RMI1: variants seen among roughly 807,000 people sequenced by gnomAD.
RMI1 encodes recQ-mediated genome instability protein 1.
RMI1 carries 36 observed loss-of-function variants against 46.7 expected under a neutral mutation model. That is an observed-to-expected ratio of 0.77 (90% CI 0.59 to 1.02). RMI1 has a LOEUF of 1.02. RMI1 is among the 50% of genes least tolerant of loss of function. The pLI is 0.00. For synonymous variants in RMI1, 250 were observed against 252.9 expected (o/e 0.99, Z 0.11); for missense variants, 676 against 713.7 (o/e 0.95, Z 0.60).
chr9:83,985,311 T>C (rs537547850), intron 1 of RMI1, among the ~76,000 whole-genome samples: 1 of 152,346 alleles, frequency 6.6e-6, no homozygotes, highest in East Asian at 1.9e-4. Context: ...TCAATCCTAC[T>C]TTCTACTTTG....
intron 1 of RMI1, among the ~76,000 whole-genome samples, chr9:83,999,098 G>A (rs939475597): frequency 1.1e-4 from 16 of 151,670 alleles, no homozygotes; most frequent in Non-Finnish European, 1.8e-4. Context: ...CCGAGATTGC[G>A]CCACTGCAGT....
intron 1 of RMI1, among the ~76,000 whole-genome samples, chr9:83,988,450 T>G (rs1957523788): frequency 6.6e-6 from 1 of 152,102 alleles, no homozygotes; most frequent in African/African-American, 2.4e-5. Flanking sequence ...ACTACAGGCA[T>G]GCACCACAAT....
At chr9:83,984,893 C>T (rs185428019) in intron 1 of RMI1, among the ~76,000 whole-genome samples, 6 of 152,280 alleles carry the variant, frequency 3.9e-5, no homozygotes, top group Non-Finnish European at 7.4e-5. Context: ...ATTTAAAAGA[C>T]AGTTTTCCAA....
chr9:83,983,358 ACTT>A (rs1473470945), intron 1 of RMI1, among the ~76,000 whole-genome samples: 14 of 152,196 alleles, frequency 9.2e-5, no homozygotes, highest in South Asian at 2.1e-4. Flanking sequence ...TCCTCTGATT[ACTT>A]CTTCTAATTT....
rs1054381238 is a variant in RMI1 at position 84,003,697 on chromosome 9, A to G, written c.*833A>G. The G allele has an allele frequency of 6.0e-6, 1 of 166,610 alleles. No homozygotes were observed. The highest frequency in any genetic ancestry group is 1.5e-5 in the Non-Finnish European group (1 of 68,102). The allele number at this position is 166,610 out of a possible 1,614,324, so 10.3% of individuals were successfully genotyped here. A position where few individuals can be genotyped will look rare whatever the true frequency, so the allele number is the denominator to read the frequency against. On this transcript the variant is annotated 3_prime_UTR_variant, in exon 3 of 3. Transcript: ENST00000445877. ...ATATTTGGTATATTTAAGGTAATCT[A>G]GTTAACTAGATGCTATTTCATAGAT...
At position 84,001,389 on chromosome 9, in the gene RMI1, T is replaced by C. The variant is rs766933503; in HGVS notation, c.403T>C (p.Leu135=). The C allele has an allele frequency of 1.4e-5, 23 of 1,614,016 alleles. No homozygotes were observed. In the Middle Eastern group the frequency reaches 6.6e-4, roughly 46 times the overall value. The change falls in exon 3 of 3, where the codon TTG becomes CTG. Residue 135 remains leucine (L), a synonymous_variant. Coordinates refer to ENST00000445877, the MANE Select transcript of RMI1 (RefSeq NM_001358291.2). ...TTGGGAAGCAAAGCCTTCACGAATG[T>C]TGATGCTGCAGCTAACTGATGGAAT... The part of the protein sequence containing the change: ...KPWEAKPSRM[L]MLQLTDGIVQ...
At chr9:83,994,112 T>G (rs1440650195) in intron 1 of RMI1, among the ~76,000 whole-genome samples, 3 of 152,146 alleles carry the variant, frequency 2.0e-5, no homozygotes. Flanking sequence ...AAATGTCTAT[T>G]CAAGCTCTTT....
Position 84,002,739 on chromosome 9 carries a change from C to T in RMI1, c.1753C>T (p.Leu585=), listed in dbSNP as rs1957758067. The change falls in exon 3 of 3, where the codon CTA becomes TTA. Residue 585 remains leucine (L), a synonymous_variant. Transcript: ENST00000445877. The stretch of plus-strand genomic sequence containing the variant: ...AGGGTTGCAGAAATGTCAAAGAGAT[C>T]TAATAGATTTGTGCTGTCTAATGAC... ...LEGLQKCQRD[L]IDLCCLMTIS... 1.2e-6 allele frequency: 2 copies of T among 1,613,800 alleles called. No individual in the cohort carries two copies. The highest frequency in any genetic ancestry group is 4.5e-5 in the East Asian group (2 of 44,808).
At chr9:83,991,326 T>C (rs1395771819) in intron 1 of RMI1, among the ~76,000 whole-genome samples, 1 of 151,668 alleles carries the variant, frequency 6.6e-6, no homozygotes, top group South Asian at 2.1e-4. Flanking sequence ...TTTTAACTAA[T>C]ATTTTTTAGA....
chr9:83,999,997 C>T (rs930275761), intron 2 of RMI1, among the ~76,000 whole-genome samples, 200 bp downstream of exon 2: 1 of 152,032 alleles, frequency 6.6e-6, no homozygotes, highest in Admixed American at 6.5e-5. Flanking sequence ...AATATTTAGC[C>T]CAACAAATAA....
intron 1 of RMI1, among the ~76,000 whole-genome samples, chr9:83,981,728 A>G (rs113760054): frequency 4.4e-4 from 67 of 152,350 alleles, no homozygotes; most frequent in Non-Finnish European, 1.2e-4. Flanking sequence ...ATACATGCAT[A>G]TATTTTAGTG....
At position 84,003,000 on chromosome 9, in the gene RMI1, G is replaced by T; in HGVS notation, c.*136G>T. ...GCTTATTTCAGTTTAATTTTAAAGT[G>T]TTTAATCATGTTTGTTATATGTGGA... On this transcript the variant is annotated 3_prime_UTR_variant, in exon 3 of 3. Transcript: ENST00000445877. 30 of 516,394 alleles carry T rather than the reference G, an allele frequency of 5.8e-5. No homozygotes were observed. Among genetic ancestry groups the T allele is most frequent in the South Asian group, 2.8e-4 (7 of 25,144 alleles). The allele number at this position is 516,394 out of a possible 1,614,324, so 32.0% of individuals were successfully genotyped here.
chr9:84,002,349 A>G lies in RMI1; in HGVS notation c.1363A>G (p.Asn455Asp). ...GGTGGTCAACTATGTACAGAAAAGG[A>G]ATTCACAAATTTCTAATGAAAATGA... ...REVVNYVQKR[N>D]SQISNENDCN... Residue 455 changes from asparagine (N) to aspartate (D), a missense_variant, in exon 3 of 3, where the codon AAT becomes GAT. Asn to Asp is a conservative substitution (Grantham distance 23, BLOSUM62 1). Coordinates refer to ENST00000445877, the MANE Select transcript of RMI1 (RefSeq NM_001358291.2). 6.2e-7 allele frequency: 1 copy of G among 1,604,910 alleles called. No individual in the cohort carries two copies. Among genetic ancestry groups the G allele is most frequent in the Non-Finnish European group, 8.5e-7 (1 of 1,172,744 alleles).
intron 1 of RMI1, among the ~76,000 whole-genome samples, chr9:83,983,730 A>C (rs1957451633): frequency 6.6e-6 from 1 of 152,068 alleles, no homozygotes; most frequent in Admixed American, 6.6e-5. Context: ...AGTTCCTGGC[A>C]GTACAGATCT....
At chr9:83,994,299 T>C (rs1475729610) in intron 1 of RMI1, among the ~76,000 whole-genome samples, 1 of 152,208 alleles carries the variant, frequency 6.6e-6, no homozygotes, top group African/African-American at 2.4e-5. Context: ...TTTTTCAGTT[T>C]GATGTAGTCC....
rs296890 is a variant in RMI1 at position 83,980,816 on chromosome 9, C to A, written c.-201C>A. 0.31 allele frequency: 46,497 copies of A among 152,206 alleles called. 7,541 individuals carry two copies. The highest frequency in any genetic ancestry group is 0.42 in the African/African-American group (17,403 of 41,474). The allele number at this position is 152,206 out of a possible 1,614,324, so 9.4% of individuals were successfully genotyped here. On this transcript the variant is annotated 5_prime_UTR_variant, in exon 1 of 3. Coordinates refer to ENST00000445877, the MANE Select transcript of RMI1 (RefSeq NM_001358291.2). ...AGAGGTAAAAAAGGAACTGGGAGCG[C>A]GCCGCGGCGGTTCCTGTCCTTACAG...
chr9:84,002,338 T>C lies in RMI1; in HGVS notation c.1352T>C (p.Val451Ala), dbSNP rs749075798. 1.2e-6 allele frequency: 2 copies of C among 1,603,598 alleles called. No individual in the cohort carries two copies. Among genetic ancestry groups the C allele is most frequent in the Non-Finnish European group, 1.7e-6 (2 of 1,171,526 alleles). The change falls in exon 3 of 3, where the codon GTA (valine) becomes GCA (alanine). Residue 451 changes from valine to alanine, a missense_variant. Transcript: ENST00000445877. ...KILNREVVNYVQKRNSQISNE... is the reference protein window; with the variant it reads ...KILNREVVNYAQKRNSQISNE... ...TTAAATAGAGAGGTGGTCAACTATG[T>C]ACAGAAAAGGAATTCACAAATTTCT...
chr9:83,983,276 A>C (rs574186147), intron 1 of RMI1, among the ~76,000 whole-genome samples: 2 of 152,228 alleles, frequency 1.3e-5, no homozygotes, highest in African/African-American at 4.8e-5. Context: ...CCAAGGTCAC[A>C]TAGCAAAATG....
Position 84,002,222 on chromosome 9 carries a change from T to C in RMI1, c.1236T>C (p.His412=), listed in dbSNP as rs772398343. 6.2e-7 allele frequency: 1 copy of C among 1,607,758 alleles called. No individual in the cohort carries two copies. Among genetic ancestry groups the C allele is most frequent in the Admixed American group, 1.7e-5 (1 of 57,968 alleles). The stretch of plus-strand genomic sequence containing the variant: ...TTCATTGTAATGTACCCTTAGCCCA[T>C]GATTTTACAAATAAAGAAAAGAACT... ...FSVHCNVPLA[H]DFTNKEKNLE... is the part of the protein sequence containing the mutation. Residue 412 remains histidine (H), a synonymous_variant, in exon 3 of 3, where the codon CAT becomes CAC. Transcript: ENST00000445877.
Sources: allele counts gnomAD v4.1 joint callset (sites outside exome capture counted in the v4.1 genomes callset), GRCh38; gene constraint gnomAD v4.1.1; transcripts MANE v1.5; gene names NCBI Gene and HGNC (gene_info 2026-07-23, HGNC 2026-07-21).